Variants in ZNF646 observed in about 807,000 individuals in gnomAD.
ZNF646 encodes the protein zinc finger protein 646.
Under a neutral mutation model 115.4 loss-of-function variants are expected in ZNF646, and 49 were observed. That is an observed-to-expected ratio of 0.42 (90% CI 0.34 to 0.54). The LOEUF is 0.54. Ranked by LOEUF, ZNF646 falls within the 20% of genes least tolerant of loss-of-function variation. The pLI is 0.04. For synonymous variants in ZNF646, 933 were observed against 939.0 expected, an observed-to-expected ratio of 0.99 and a Z score of 0.12; for missense variants, 2,269 against 2,457.9, an observed-to-expected ratio of 0.92 and a Z score of 1.62.
In ZNF646 at chr16:31,077,013, C is replaced by G; in HGVS notation, c.689C>G (p.Ser230Cys). The G allele has an allele frequency of 1.2e-6, 2 of 1,614,014 alleles. No homozygotes were observed. The highest frequency in any genetic ancestry group is 1.7e-6 in the Non-Finnish European group (2 of 1,179,944). ...NFTGGQEPTQ[S>C]PPAEEERRYK... ...ACAGGGGGCCAGGAGCCCACCCAGT[C>G]CCCTCCTGCTGAGGAGGAGCGGCGG... Residue 230 changes from serine to cysteine, a missense_variant, in exon 2 of 3, where the codon TCC (serine) becomes TGC (cysteine). Ser to Cys is a moderately radical substitution (Grantham distance 112, BLOSUM62 -1). This residue lies in a region of ZNF646 where 334 missense variants were observed against 323.5 expected (regional missense o/e 1.03). Coordinates refer to ENST00000300850, the MANE Select transcript of ZNF646 (RefSeq NM_014699.4).
Position 31,083,186 on chromosome 16 carries a change from C to G in ZNF646, c.*94C>G. The G allele has an allele frequency of 1.1e-5, 16 of 1,499,610 alleles. 2 individuals carry two copies. In the South Asian group the frequency reaches 1.9e-4, roughly 18 times the overall value. 92.9% of individuals were successfully genotyped at this position (1,499,610 alleles called of 1,614,324 possible). ...TTTCTCAGGAGTAGTTCGGGCATCCCCATATCTTCTCCTCTCCCCTTGTGA... is the reference window on the plus strand; with the variant it reads ...TTTCTCAGGAGTAGTTCGGGCATCCGCATATCTTCTCCTCTCCCCTTGTGA... On this transcript the variant is annotated 3_prime_UTR_variant, in exon 3 of 3. Transcript: ENST00000300850.
At chr16:31,073,073 A>AGCTCCTC (rs11281612), upstream of ZNF646, 55,728 of 151,590 alleles carry the variant, frequency 0.37, 11,350 homozygotes, top group East Asian at 0.89. Context: ...AGAAACCCGG[A>AGCTCCTC]GCTCCTCGCT....
At chr16:31,081,812 TAA>T in intron 2 of ZNF646, 111 bp downstream of exon 2, 1 of 1,429,986 alleles carries the variant, frequency 7.0e-7, no homozygotes, top group African/African-American at 1.4e-5. Context: ...CCGGGGATTC[TAA>T]GAGGTGGGTG....
chr16:31,083,731 G>A lies in ZNF646; in HGVS notation c.*639G>A. The A allele has an allele frequency of 6.2e-7, 1 of 1,613,636 alleles. No homozygotes were observed. The highest frequency in any genetic ancestry group is 1.1e-5 in the South Asian group (1 of 91,004). ...CACATGACAGGGTGGGGAGGACAGG[G>A]GCAGTAATGCCATTTGCCTGCCTGC... On this transcript the variant is annotated 3_prime_UTR_variant, in exon 3 of 3. Coordinates refer to ENST00000300850, the MANE Select transcript of ZNF646 (RefSeq NM_014699.4).
chr16:31,084,176 A>G lies in ZNF646; in HGVS notation c.*1084A>G. On this transcript the variant is annotated 3_prime_UTR_variant, in exon 3 of 3. Transcript: ENST00000300850. Reference sequence around the variant, plus strand: ...TCGGGCTCTGGTTCCTCGGCGAAGTAGACCTGCCAGTCCAAACTGCTGACC... The same window carrying G: ...TCGGGCTCTGGTTCCTCGGCGAAGTGGACCTGCCAGTCCAAACTGCTGACC... The G allele has an allele frequency of 6.2e-7, 1 of 1,605,554 alleles. No homozygotes were observed. Among genetic ancestry groups the G allele is most frequent in the Non-Finnish European group, 8.5e-7 (1 of 1,176,636 alleles).
At position 31,080,186 on chromosome 16, in the gene ZNF646, G is replaced by A; in HGVS notation, c.3862G>A (p.Gly1288Ser). The A allele has an allele frequency of 6.2e-7, 1 of 1,610,014 alleles. No individual in the cohort carries two copies. The highest frequency in any genetic ancestry group is 8.5e-7 in the Non-Finnish European group (1 of 1,177,872). ...CCACATGGAACGGCGTGGGGGTGGG[G>A]GCACCCGAAAGGCGACTCGGGAAGA... ...RVHMERRGGG[G>S]TRKATREDRP... Residue 1288 changes from glycine to serine, a missense_variant, in exon 2 of 3, where the codon GGC becomes AGC. Around this residue, in one of 5 missense-constraint regions of ZNF646, gnomAD observed 1,062 missense variants for 1,172.8 expected, o/e 0.91. Transcript: ENST00000300850.
chr16:31,083,110 AT>A lies in ZNF646; in HGVS notation c.*19del. The A allele has an allele frequency of 6.2e-7, 1 of 1,600,948 alleles. No homozygotes were observed. Among genetic ancestry groups the A allele is most frequent in the East Asian group, 2.3e-5 (1 of 43,440 alleles). On this transcript the variant is annotated 3_prime_UTR_variant, in exon 3 of 3. Transcript: ENST00000300850. ...CCCTCTGAACTTCAAGTCTCCAAAGATCAGAATCTGGGGGAGGGAGCGCGTG... is the reference window on the plus strand; with the variant it reads ...CCCTCTGAACTTCAAGTCTCCAAAGACAGAATCTGGGGGAGGGAGCGCGTG...
At chr16:31,073,348 C>T (rs1400081525), upstream of ZNF646, 1 of 151,698 alleles carries the variant, frequency 6.6e-6, no homozygotes, top group Non-Finnish European at 1.5e-5. Context: ...CAGCGCGGGC[C>T]ACGCGACCGG....
Position 31,076,447 on chromosome 16 carries a change from T to A in ZNF646, c.123T>A (p.Ala41=), listed in dbSNP as rs748152083. ...HPSPNQDSEE[A]DSIPRPYRCQ... ...CTCCCAACCAGGACAGTGAGGAGGC[T>A]GACAGCATCCCTCGGCCCTACCGTT... The change falls in exon 2 of 3, where the codon GCT becomes GCA. Residue 41 remains alanine, a synonymous_variant. Transcript: ENST00000300850. The A allele has an allele frequency of 6.2e-7, 1 of 1,613,790 alleles. No individual in the cohort carries two copies. The highest frequency in any genetic ancestry group is 1.3e-5 in the African/African-American group (1 of 74,840).
Position 31,079,998 on chromosome 16 carries a change from AC to A in ZNF646, c.3676del (p.Gln1226ArgfsTer90). 1 of 1,606,622 alleles carries A rather than the reference AC, an allele frequency of 6.2e-7. No individual in the cohort carries two copies. Among genetic ancestry groups the A allele is most frequent in the Non-Finnish European group, 8.5e-7 (1 of 1,174,718 alleles). ...AGCCTCATCAACCACCGGCAGAGCCACCAGACCGGCCACTTTGGCTGTCAGG... is the reference window on the plus strand; with the variant it reads ...AGCCTCATCAACCACCGGCAGAGCCACAGACCGGCCACTTTGGCTGTCAGG... Reference protein sequence around the residue: ...AGSLINHRQSHQTGHFGCQAC... With the variant: ...AGSLINHRQSXQTGHFGCQAC... On this transcript the variant is annotated frameshift_variant, in exon 2 of 3. Coordinates refer to ENST00000300850, the MANE Select transcript of ZNF646 (RefSeq NM_014699.4). LOFTEE classifies it high-confidence loss of function. The surrounding 1 kb of genome is among the most constrained non-coding windows in gnomAD (Gnocchi z 5.5).
chr16:31,076,346 C>G lies in ZNF646; in HGVS notation c.22C>G (p.Leu8Val), dbSNP rs772028080. The G allele has an allele frequency of 2.5e-6, 4 of 1,611,870 alleles. No individual in the cohort carries two copies. The African/African-American group carries it at 5.3e-5, about 22-fold the overall frequency. The change falls in exon 2 of 3, where the codon CTC (leucine) becomes GTC (valine). Residue 8 changes from leucine to valine, a missense_variant. This residue lies in a region of ZNF646 where 334 missense variants were observed against 323.5 expected (regional missense o/e 1.03). Transcript: ENST00000300850. The stretch of plus-strand genomic sequence containing the variant: ...CCCCATGGAGGACACACCCCCCTCA[C>G]TCAGCTGCTCCGACTGTCAGCGCCA... Reference protein sequence around the residue: MEDTPPSLSCSDCQRHFP... With the variant: MEDTPPSVSCSDCQRHFP...
At position 31,077,241 on chromosome 16, in the gene ZNF646, C is replaced by G; in HGVS notation, c.917C>G (p.Pro306Arg). The change falls in exon 2 of 3, where the codon CCC becomes CGC. Residue 306 changes from proline to arginine, a missense_variant. Physicochemically the swap from Pro to Arg is moderately radical, Grantham distance 103. Around this residue, in one of 5 missense-constraint regions of ZNF646, gnomAD observed 852 missense variants for 900.2 expected, o/e 0.95. Coordinates refer to ENST00000300850, the MANE Select transcript of ZNF646 (RefSeq NM_014699.4). ...CACTGCCCCCGTGTCTTCCGGCTCC[C>G]CCGGGAGCTGCTGGAACACCAGCAG... ...CPHCPRVFRLPRELLEHQQSH... is the reference protein window; with the variant it reads ...CPHCPRVFRLRRELLEHQQSH... The G allele has an allele frequency of 6.2e-7, 1 of 1,614,120 alleles. No homozygotes were observed. Among genetic ancestry groups the G allele is most frequent in the Non-Finnish European group, 8.5e-7 (1 of 1,180,016 alleles).
Position 31,078,203 on chromosome 16 carries a change from C to A in ZNF646, c.1879C>A (p.Arg627Ser). ...FACRDCGKSYRHSGSLINHRQ... is the reference protein window; with the variant it reads ...FACRDCGKSYSHSGSLINHRQ... The stretch of plus-strand genomic sequence containing the variant: ...CTGCCGAGACTGTGGAAAGAGCTAT[C>A]GCCACTCAGGCAGCCTTATCAACCA... The change falls in exon 2 of 3, where the codon CGC (arginine) becomes AGC (serine). Residue 627 changes from arginine to serine, a missense_variant. Physicochemically the swap from Arg to Ser is moderately radical, Grantham distance 110. This residue lies in a region of ZNF646 where 852 missense variants were observed against 900.2 expected (regional missense o/e 0.95). Coordinates refer to ENST00000300850, the MANE Select transcript of ZNF646 (RefSeq NM_014699.4). 1 of 1,614,094 alleles carries A rather than the reference C, an allele frequency of 6.2e-7. No homozygotes were observed. The highest frequency in any genetic ancestry group is 8.5e-7 in the Non-Finnish European group (1 of 1,180,044).
chr16:31,080,041 C>G lies in ZNF646; in HGVS notation c.3717C>G (p.Phe1239Leu), dbSNP rs759059801. 6.2e-7 allele frequency: 1 copy of G among 1,609,776 alleles called. No homozygotes were observed. The highest frequency in any genetic ancestry group is 1.3e-5 in the African/African-American group (1 of 74,826). The change falls in exon 2 of 3, where the codon TTC (phenylalanine) becomes TTG (leucine). Residue 1239 changes from phenylalanine to leucine, a missense_variant. Physicochemically the swap from Phe to Leu is conservative, Grantham distance 22. Transcript: ENST00000300850. ...HFGCQACSKG[F>L]SNLMSLKNHR... ...GCTGTCAGGCCTGCTCCAAGGGCTTCTCAAACCTCATGTCCCTCAAGAACC... is the reference window on the plus strand; with the variant it reads ...GCTGTCAGGCCTGCTCCAAGGGCTTGTCAAACCTCATGTCCCTCAAGAACC...
Position 31,076,358 on chromosome 16 carries a change from G to C in ZNF646, c.34G>C (p.Asp12His). Residue 12 changes from aspartate (D) to histidine (H), a missense_variant, in exon 2 of 3, where the codon GAC becomes CAC. By Grantham distance (81) the Asp-to-His change is moderately conservative (BLOSUM62 -1). Around this residue, in one of 5 missense-constraint regions of ZNF646, gnomAD observed 334 missense variants for 323.5 expected, o/e 1.03. Transcript: ENST00000300850. ...CACACCCCCCTCACTCAGCTGCTCC[G>C]ACTGTCAGCGCCACTTTCCCAGCCT... is the stretch of plus-strand genomic sequence containing the variant. ...EDTPPSLSCS[D>H]CQRHFPSLPE... 1 of 1,612,902 alleles carries C rather than the reference G, an allele frequency of 6.2e-7. No individual in the cohort carries two copies. The highest frequency in any genetic ancestry group is 8.5e-7 in the Non-Finnish European group (1 of 1,179,378).
chr16:31,076,019 A>G lies in ZNF646; in HGVS notation c.-79-227A>G, dbSNP rs1199283767. Reference sequence around the variant, plus strand: ...TCTCTCAACTTTAATTTCCTTAGCTATACCTGTAGGGATGACTTAAGCCTA... The same window carrying G: ...TCTCTCAACTTTAATTTCCTTAGCTGTACCTGTAGGGATGACTTAAGCCTA... On this transcript the variant is annotated intron_variant, in intron 1 of 2. Coordinates refer to ENST00000300850, the MANE Select transcript of ZNF646 (RefSeq NM_014699.4). The G allele has an allele frequency of 9.0e-6, 3 of 334,274 alleles. No homozygotes were observed. The Admixed American group carries it at 1.3e-4, about 15-fold the overall frequency. The allele number at this position is 334,274 out of a possible 1,614,324, so 20.7% of individuals were successfully genotyped here.
intron 2 of ZNF646, 55 bp downstream of exon 2, chr16:31,081,756 C>T (rs1287535831): frequency 6.7e-7 from 1 of 1,498,388 alleles, no homozygotes; most frequent in Non-Finnish European, 8.9e-7. Flanking sequence ...AGGGGGAAGT[C>T]CAGCCCCAAA....
Position 31,078,860 on chromosome 16 carries a change from G to C in ZNF646, c.2536G>C (p.Gly846Arg), listed in dbSNP as rs1351872327. The C allele has an allele frequency of 5.0e-6, 8 of 1,613,910 alleles. No individual in the cohort carries two copies. The highest frequency in any genetic ancestry group is 6.8e-6 in the Non-Finnish European group (8 of 1,180,050). ...LLSHRPCHPP[G>R]IYQCSLCPKE... ...GAGCCACAGGCCCTGCCACCCACCAGGCATCTATCAGTGCTCCCTCTGCCC... is the reference window on the plus strand; with the variant it reads ...GAGCCACAGGCCCTGCCACCCACCACGCATCTATCAGTGCTCCCTCTGCCC... Residue 846 changes from glycine to arginine, a missense_variant, in exon 2 of 3, where the codon GGC (glycine) becomes CGC (arginine). Physicochemically the swap from Gly to Arg is moderately radical, Grantham distance 125. Around this residue, in one of 5 missense-constraint regions of ZNF646, gnomAD observed 852 missense variants for 900.2 expected, o/e 0.95. Coordinates refer to ENST00000300850, the MANE Select transcript of ZNF646 (RefSeq NM_014699.4).
At position 31,074,553 on chromosome 16, in the gene ZNF646, A is replaced by C. The variant is rs938615154; in HGVS notation, c.-158A>C. On this transcript the variant is annotated 5_prime_UTR_variant, in exon 1 of 3. Coordinates refer to ENST00000300850, the MANE Select transcript of ZNF646 (RefSeq NM_014699.4). ...TTTCCCTTCCCTCCCACCTCCCGGGAACCCTGGCTGAGTGTGCGTGTGTGG... is the reference window on the plus strand; with the variant it reads ...TTTCCCTTCCCTCCCACCTCCCGGGCACCCTGGCTGAGTGTGCGTGTGTGG... 6.6e-6 allele frequency: 1 copy of C among 152,164 alleles called. No individual in the cohort carries two copies. The highest frequency in any genetic ancestry group is 1.5e-5 in the Non-Finnish European group (1 of 68,058). The allele number at this position is 152,164 out of a possible 1,614,324, so 9.4% of individuals were successfully genotyped here. A position where few individuals can be genotyped will look rare whatever the true frequency, so the allele number is the denominator to read the frequency against.
Sources: gnomAD v4.1 joint callset for allele counts on GRCh38, gnomAD v4.1.1 for gene constraint, gnomAD v4.1.1 regional missense constraint, Gnocchi (gnomAD v3.1) non-coding constraint, MANE v1.5 for transcripts, NCBI Gene and HGNC (gene_info 2026-07-23, HGNC 2026-07-21) for gene names.